Variants in MAGI2 observed in about 807,000 individuals in gnomAD.
MAGI2 encodes membrane-associated guanylate kinase, WW and PDZ domain-containing protein 2.
In MAGI2, 35 loss-of-function variants were observed where a neutral mutation model predicts 133.3. The observed-to-expected ratio is 0.26, with a 90% CI of 0.20 to 0.35. The LOEUF (loss-of-function observed/expected upper bound fraction) is 0.35, where lower values mean the gene tolerates loss of function less well. Ranked by LOEUF, MAGI2 falls within the 10% of genes least tolerant of loss-of-function variation. MAGI2 has a pLI of 1.00. For synonymous variants in MAGI2, 729 were observed against 710.6 expected (o/e 1.03, Z -0.41); for missense variants, 1,636 against 1,863.4 (o/e 0.88, Z 2.25).
At position 78,501,676 on chromosome 7, in the gene MAGI2, T is replaced by C; in HGVS notation, c.866A>G (p.Asp289Gly). ...QPEELKEQMD[D>G]TKPTKPEDNE... ...GTCTTCAGGTTTAGTTGGCTTTGTG[T>C]CATCCATCTGCTCCTTCAGCTCCTC... The change falls in exon 5 of 22, where the codon GAC (aspartate) becomes GGC (glycine). Residue 289 changes from aspartate (D) to glycine (G), a missense_variant. By Grantham distance (94) the Asp-to-Gly change is moderately conservative. Around this residue, in one of 5 missense-constraint regions of MAGI2, gnomAD observed 165 missense variants for 128.4 expected, o/e 1.28. Transcript: ENST00000354212. 1.9e-6 allele frequency: 3 copies of C among 1,614,138 alleles called. No individual in the cohort carries two copies. The highest frequency in any genetic ancestry group is 8.5e-7 in the Non-Finnish European group (1 of 1,180,020).
intron 21 of MAGI2, among the ~76,000 whole-genome samples, chr7:78,022,111 A>G (rs1808456323): frequency 1.3e-5 from 2 of 152,234 alleles, no homozygotes. Flanking sequence ...ATAGTCTGAA[A>G]TCCTCAAAGG....
At chr7:78,515,028 A>G (rs1795922491) in intron 4 of MAGI2, among the ~76,000 whole-genome samples, 1 of 152,148 alleles carries the variant, frequency 6.6e-6, no homozygotes, top group Non-Finnish European at 1.5e-5. Flanking sequence ...ATTAACAGAG[A>G]GATTTAAATG....
intron 2 of MAGI2, among the ~76,000 whole-genome samples, chr7:78,968,975 T>G (rs1803554535): frequency 6.6e-6 from 1 of 152,116 alleles, no homozygotes; most frequent in South Asian, 2.1e-4. Context: ...ATTTCTTTTC[T>G]AATATAAAGC....
intron 2 of MAGI2, among the ~76,000 whole-genome samples, chr7:78,823,051 C>T (rs1220382353): frequency 1.3e-5 from 2 of 152,136 alleles, no homozygotes; most frequent in South Asian, 4.1e-4. Flanking sequence ...GTGGAGAGCA[C>T]GGTCATTTCA....
intron 1 of MAGI2, among the ~76,000 whole-genome samples, chr7:79,017,123 A>G (rs543622416): frequency 1.3e-5 from 2 of 152,304 alleles, no homozygotes; most frequent in South Asian, 2.1e-4. Flanking sequence ...CTGGCACATA[A>G]CAAATAAGGA....
intron 6 of MAGI2, chr7:78,485,331 T>C (rs1195065226): frequency 6.6e-6 from 1 of 152,110 alleles, no homozygotes; most frequent in East Asian, 1.9e-4. Context: ...CTGCTAAAAC[T>C]CCAAAAGTGT....
At chr7:79,428,301 A>G (rs934529554) in intron 1 of MAGI2, among the ~76,000 whole-genome samples, 8 of 152,208 alleles carry the variant, frequency 5.3e-5, no homozygotes, top group Non-Finnish European at 2.9e-5. Context: ...TATAAATAAT[A>G]AATATTGTCT....
chr7:78,501,849 G>T, intron 4 of MAGI2, 62 bp from the exon 5 acceptor site: 1 of 1,207,520 alleles, frequency 8.3e-7, no homozygotes, highest in Non-Finnish European at 1.2e-6. Flanking sequence ...GACTGAGTAT[G>T]GAGAATGCTG....
intron 3 of MAGI2, among the ~76,000 whole-genome samples, chr7:78,536,878 T>C (rs1213691239): frequency 6.6e-6 from 1 of 151,270 alleles, no homozygotes; most frequent in Non-Finnish European, 1.5e-5. Flanking sequence ...AGATCTTTAG[T>C]GGTAATTTCT....
intron 1 of MAGI2, among the ~76,000 whole-genome samples, chr7:79,013,343 A>AAT (rs1808372942): frequency 6.6e-6 from 1 of 152,176 alleles, no homozygotes; most frequent in Non-Finnish European, 1.5e-5. Flanking sequence ...CCTTATCTTC[A>AAT]TCAAATAAGT....
chr7:78,070,540 A>ATGTATATATG (rs1231839038), intron 21 of MAGI2, among the ~76,000 whole-genome samples: 2 of 144,208 alleles, frequency 1.4e-5, no homozygotes, highest in African/African-American at 5.0e-5. Flanking sequence ...ATGTGTACAT[A>ATGTATATATG]TGTATATATG....
At chr7:78,949,721 G>A (rs764912758) in intron 2 of MAGI2, among the ~76,000 whole-genome samples, 27 of 152,262 alleles carry the variant, frequency 1.8e-4, no homozygotes, top group Non-Finnish European at 3.8e-4. Context: ...TTGTTGTAGA[G>A]ATTGTTTGAA....
At chr7:78,393,379 TTC>T (rs1309256521) in intron 6 of MAGI2, among the ~76,000 whole-genome samples, 1 of 152,290 alleles carries the variant, frequency 6.6e-6, no homozygotes, top group East Asian at 1.9e-4. Flanking sequence ...CACAGTTAGT[TTC>T]TGTGGGCAGC....
chr7:78,616,472 G>C (rs1456735981), intron 3 of MAGI2: 2 of 152,006 alleles, frequency 1.3e-5, no homozygotes, highest in Non-Finnish European at 2.9e-5. Context: ...TGAAGGTATA[G>C]TTTTGTTGAC....
At position 78,345,847 on chromosome 7, in the gene MAGI2, A is replaced by G. The variant is rs1462660112; in HGVS notation, c.1225+75T>C. On this transcript the variant is annotated intron_variant, in intron 8 of 21. Transcript: ENST00000354212. ...AATTTTTCAAAATGGTCCAAGCTAC[A>G]GACATATTTGGAAGAGCAGGCAGTT... 4.4e-6 allele frequency: 7 copies of G among 1,584,210 alleles called. No individual in the cohort carries two copies. In the Admixed American group the frequency reaches 1.1e-4, roughly 25 times the overall value.
At chr7:79,130,823 A>C (rs1197264103) in intron 1 of MAGI2, among the ~76,000 whole-genome samples, 2 of 152,240 alleles carry the variant, frequency 1.3e-5, no homozygotes, top group Non-Finnish European at 2.9e-5. Flanking sequence ...AGAAGCTCAC[A>C]GAAGTTAATT....
intron 21 of MAGI2, among the ~76,000 whole-genome samples, chr7:78,072,340 A>C (rs1814800477): frequency 6.6e-6 from 1 of 152,220 alleles, no homozygotes; most frequent in Non-Finnish European, 1.5e-5. Flanking sequence ...AATGTTTTTC[A>C]TGAGAGCAGA....
intron 1 of MAGI2, among the ~76,000 whole-genome samples, chr7:79,392,991 A>G (rs998599501): frequency 3.3e-5 from 5 of 152,192 alleles, no homozygotes; most frequent in African/African-American, 1.2e-4. Context: ...AGAAATTCCA[A>G]CACAGAGATA....
At chr7:79,007,826 A>T (rs748321891) in intron 1 of MAGI2, among the ~76,000 whole-genome samples, 2 of 152,116 alleles carry the variant, frequency 1.3e-5, no homozygotes, top group African/African-American at 4.8e-5. Flanking sequence ...AATAAATAAA[A>T]GGAATTTCTT....
Sources: allele counts gnomAD v4.1 joint callset (sites outside exome capture counted in the v4.1 genomes callset), GRCh38; gene constraint gnomAD v4.1.1; regional missense constraint gnomAD v4.1.1; transcripts MANE v1.5; gene names NCBI Gene and HGNC (gene_info 2026-07-23, HGNC 2026-07-21).